Variants in ROBO2 observed in about 807,000 individuals in gnomAD.
The protein encoded by ROBO2 is roundabout guidance receptor 2.
A neutral mutation model predicts 160.8 loss-of-function variants in ROBO2; 53 were observed. The ratio of observed to expected loss-of-function variants is 0.33; its 90% CI spans 0.26 to 0.41. The LOEUF is 0.41. ROBO2 is among the 10% of genes least tolerant of loss of function. The pLI, the probability that ROBO2 is intolerant of heterozygous loss-of-function variation, is 1.00. For missense variants in ROBO2, 1,577 were observed against 1,722.4 expected (o/e 0.92, Z 1.49); for synonymous variants, 664 against 611.7 (o/e 1.09, Z -1.26).
chr3:76,657,293 CG>C (rs1320829600), intron 2 of ROBO2, among the ~76,000 whole-genome samples: 2 of 151,836 alleles, frequency 1.3e-5, no homozygotes, highest in African/African-American at 2.4e-5. Context: ...GGCTTGGTGG[CG>C]GGCGCCTGTA....
chr3:76,112,127 C>T (rs2070258704), intron 2 of ROBO2, among the ~76,000 whole-genome samples: 1 of 152,138 alleles, frequency 6.6e-6, no homozygotes, highest in Non-Finnish European at 1.5e-5. Flanking sequence ...CTTTGCTTCC[C>T]TTATTCATCA....
intron 2 of ROBO2, among the ~76,000 whole-genome samples, chr3:77,008,647 G>A (rs533573643): frequency 1.3e-4 from 20 of 152,194 alleles, no homozygotes; most frequent in Non-Finnish European, 2.1e-4. Flanking sequence ...CAGCATATAC[G>A]TAGATAACAC....
At chr3:76,446,948 A>C (rs544387741) in intron 2 of ROBO2, among the ~76,000 whole-genome samples, 2 of 152,260 alleles carry the variant, frequency 1.3e-5, no homozygotes, top group East Asian at 3.9e-4. Flanking sequence ...CTAGAAGAAA[A>C]CCTAGGCAAT....
intron 2 of ROBO2, among the ~76,000 whole-genome samples, chr3:76,416,533 T>C (rs1420892389): frequency 1.3e-5 from 2 of 152,236 alleles, no homozygotes; most frequent in East Asian, 3.8e-4. Context: ...AGAGCTTAAG[T>C]AGTTAATGTG....
intron 2 of ROBO2, among the ~76,000 whole-genome samples, chr3:76,579,252 C>T (rs1021503095): frequency 2.0e-5 from 3 of 152,146 alleles, no homozygotes; most frequent in South Asian, 2.1e-4. Context: ...TAAAAGATAG[C>T]ATCTTTACCA....
chr3:76,988,162 A>T (rs190230261), intron 2 of ROBO2, among the ~76,000 whole-genome samples: 1 of 152,284 alleles, frequency 6.6e-6, no homozygotes, highest in Admixed American at 6.5e-5. Flanking sequence ...TAAAATAATC[A>T]GTTGATGTAC....
chr3:76,871,398 C>T (rs971659287), intron 2 of ROBO2, among the ~76,000 whole-genome samples: 4 of 150,902 alleles, frequency 2.7e-5, no homozygotes, highest in Admixed American at 2.0e-4. Context: ...ACTAAAAATA[C>T]AAAAAATTAG....
At chr3:77,492,871 CA>C (rs1435286499) in intron 4 of ROBO2, among the ~76,000 whole-genome samples, 1 of 151,950 alleles carries the variant, frequency 6.6e-6, no homozygotes, top group Non-Finnish European at 1.5e-5. Flanking sequence ...TTAGTTTTCC[CA>C]CTTTGAACCC....
chr3:76,031,679 A>G (rs1369972714), intron 2 of ROBO2, among the ~76,000 whole-genome samples: 3 of 152,048 alleles, frequency 2.0e-5, no homozygotes, highest in Non-Finnish European at 4.4e-5. Context: ...TGATTTGCAT[A>G]TGTTAAACCA....
At chr3:76,447,811 A>C (rs2077268261) in intron 2 of ROBO2, among the ~76,000 whole-genome samples, 1 of 143,904 alleles carries the variant, frequency 6.9e-6, no homozygotes, top group African/African-American at 2.6e-5. Context: ...CAAGCACTGC[A>C]TTTTCTCACT....
At position 76,978,558 on chromosome 3, in the gene ROBO2, A is replaced by C. The variant is rs540225289; in HGVS notation, c.110-119456A>C. On this transcript the variant is annotated intron_variant, in intron 2 of 26. Transcript: ENST00000487694. The stretch of plus-strand genomic sequence containing the variant: ...TGAGAACTATATTGCTCAGAAAATC[A>C]GGATGAATAACCAGAGAAATCAATA... Among the ~76,000 whole-genome samples, 16 of 152,296 alleles carry C rather than the reference A, an allele frequency of 1.1e-4. No individual in the cohort carries two copies. The South Asian group carries it at 3.3e-3, about 32-fold the overall frequency.
intron 2 of ROBO2, among the ~76,000 whole-genome samples, chr3:77,212,652 C>T (rs1038281696): frequency 1.1e-4 from 17 of 152,080 alleles, no homozygotes; most frequent in Non-Finnish European, 2.4e-4. Context: ...TGTCTTGTGC[C>T]AGTTTTCAAA....
chr3:76,918,785 T>C (rs964094502), intron 2 of ROBO2, among the ~76,000 whole-genome samples: 2 of 152,204 alleles, frequency 1.3e-5, no homozygotes, highest in Non-Finnish European at 2.9e-5. Context: ...TTCCCACCAA[T>C]AGTGTAAAAG....
At chr3:76,639,198 A>G (rs968271507) in intron 2 of ROBO2, among the ~76,000 whole-genome samples, 7 of 152,228 alleles carry the variant, frequency 4.6e-5, no homozygotes, top group Middle Eastern at 3.4e-3. Context: ...GTGTATATGT[A>G]TCTATAAGCA....
intron 2 of ROBO2, among the ~76,000 whole-genome samples, chr3:75,955,720 T>G (rs1201858146): frequency 6.6e-6 from 1 of 151,762 alleles, no homozygotes; most frequent in Non-Finnish European, 1.5e-5. Flanking sequence ...ATTTTGGGTT[T>G]ATGAGGCTTC....
At chr3:76,444,469 C>T (rs1316635231) in intron 2 of ROBO2, among the ~76,000 whole-genome samples, 3 of 152,212 alleles carry the variant, frequency 2.0e-5, no homozygotes, top group African/African-American at 7.2e-5. Context: ...GTTTAATTGG[C>T]TTACATTTCA....
At position 76,522,674 on chromosome 3, in the gene ROBO2, G is replaced by A. The variant is rs561502230; in HGVS notation, c.110-575340G>A. On this transcript the variant is annotated intron_variant, in intron 2 of 26. Transcript: ENST00000487694. ...ATATCGAACTAAGATTCCACTGAATGATTTATCTCCGTTTTGCTATGGCCA... is the reference window on the plus strand; with the variant it reads ...ATATCGAACTAAGATTCCACTGAATAATTTATCTCCGTTTTGCTATGGCCA... Among the ~76,000 whole-genome samples the A allele has an allele frequency of 4.6e-5, 7 of 152,154 alleles. No homozygotes were observed. The South Asian group carries it at 1.5e-3, about 32-fold the overall frequency.
At chr3:77,133,550 G>C (rs2076031546) in intron 2 of ROBO2, among the ~76,000 whole-genome samples, 1 of 151,846 alleles carries the variant, frequency 6.6e-6, no homozygotes, top group East Asian at 1.9e-4. Flanking sequence ...TGGATGTAAA[G>C]AACTGTGTAT....
At chr3:76,948,892 A>G (rs1224494648) in intron 2 of ROBO2, among the ~76,000 whole-genome samples, 1 of 25,896 alleles carries the variant, frequency 3.9e-5, no homozygotes, top group East Asian at 1.6e-3. Context: ...ATATATATAT[A>G]TATATATATA....
Sources: allele counts gnomAD v4.1 joint callset (sites outside exome capture counted in the v4.1 genomes callset), GRCh38; gene constraint gnomAD v4.1.1; transcripts MANE v1.5; gene names NCBI Gene and HGNC (gene_info 2026-07-23, HGNC 2026-07-21).